The following NECTIN3 variants were observed in gnomAD, a reference collection of about 807,000 sequenced individuals.
NECTIN3 encodes the protein nectin-3.
In NECTIN3, 8 loss-of-function variants were observed where a neutral mutation model predicts 49.4. The ratio of observed to expected loss-of-function variants is 0.16; its 90% CI spans 0.10 to 0.29. The LOEUF (loss-of-function observed/expected upper bound fraction) is 0.29, where lower values mean the gene tolerates loss of function less well. Among genes scored for constraint, NECTIN3 ranks in the 10% least tolerant of loss-of-function variants. The pLI is 1.00. For synonymous variants in NECTIN3, 277 were observed against 241.1 expected (o/e 1.15, Z -1.38); for missense variants, 581 against 654.6 (o/e 0.89, Z 1.23).
intron 2 of NECTIN3, among the ~76,000 whole-genome samples, chr3:111,113,978 G>A (rs888101954): frequency 6.6e-6 from 1 of 152,024 alleles, no homozygotes; most frequent in African/African-American, 2.4e-5. Flanking sequence ...ATGAGACTGT[G>A]TCTCTAAATA....
At chr3:111,190,511 A>G (rs1173326340), upstream of NECTIN3, among the ~76,000 whole-genome samples, 2 of 152,244 alleles carry the variant, frequency 1.3e-5, no homozygotes, top group Non-Finnish European at 2.9e-5. Flanking sequence ...TTATACTTCT[A>G]GAGGCTGGGA....
intron 4 of NECTIN3, 38 bp downstream of exon 4, chr3:111,122,276 G>C: frequency 1.4e-6 from 2 of 1,446,320 alleles, no homozygotes; most frequent in Non-Finnish European, 1.9e-6. Context: ...TTATCTAAAA[G>C]TGAAACCTTC....
chr3:111,096,734 GCCT>G (rs2032608098), intron 1 of NECTIN3, among the ~76,000 whole-genome samples: 1 of 152,200 alleles, frequency 6.6e-6, no homozygotes, highest in African/African-American at 2.4e-5. Context: ...GAAGCCCCAA[GCCT>G]TGGCAGCTTC....
At chr3:111,166,198 AC>A (rs1401475337) in intron 7 of NECTIN3, among the ~76,000 whole-genome samples, 1 of 151,996 alleles carries the variant, frequency 6.6e-6, no homozygotes, top group African/African-American at 2.4e-5. Flanking sequence ...TGGAGAATTG[AC>A]CCCCAGCAAT....
chr3:111,175,238 T>C (rs1253891945), intron 7 of NECTIN3, among the ~76,000 whole-genome samples: 1 of 151,720 alleles, frequency 6.6e-6, no homozygotes, highest in Non-Finnish European at 1.5e-5. Context: ...CCTGGGGTTT[T>C]GGTTTATATG....
intron 5 of NECTIN3, among the ~76,000 whole-genome samples, chr3:111,127,005 G>GC (rs2034187743): frequency 6.6e-6 from 1 of 152,034 alleles, no homozygotes; most frequent in African/African-American, 2.4e-5. Flanking sequence ...GGTTGTGGCT[G>GC]CAAGTAATAA....
exon 1 of NECTIN3, chr3:111,192,362 G>T: frequency 6.5e-7 from 1 of 1,535,884 alleles, no homozygotes; most frequent in South Asian, 1.2e-5. Flanking sequence ...CTGAACACTT[G>T]CCTTTGCAGA....
chr3:111,157,758 G>A (rs1410142757), intron 7 of NECTIN3, among the ~76,000 whole-genome samples: 1 of 151,990 alleles, frequency 6.6e-6, no homozygotes, highest in Non-Finnish European at 1.5e-5. Flanking sequence ...AAGTTTTAAG[G>A]CCTCTTCCAG....
upstream of NECTIN3, chr3:111,192,268 G>T: frequency 8.2e-7 from 1 of 1,225,402 alleles, no homozygotes; most frequent in Non-Finnish European, 1.1e-6. Flanking sequence ...GACATGATTG[G>T]CTCTTTTAAA....
rs1010713410 is a variant in NECTIN3, at chr3:111,110,971, G to A, written c.161-1059G>A. Among the ~76,000 whole-genome samples, 4 of 152,086 alleles carry A rather than the reference G, an allele frequency of 2.6e-5. No individual in the cohort carries two copies. In the East Asian group the frequency reaches 7.7e-4, roughly 29 times the overall value. On this transcript the variant is annotated intron_variant, in intron 1 of 5. Coordinates refer to ENST00000485303, the MANE Select transcript of NECTIN3 (RefSeq NM_015480.3). Reference sequence around the variant, plus strand: ...TAAATGCATTTTTCTTGATTATGTGGTGATGCCCTTCTGCATTTCTGTATT... The same window carrying A: ...TAAATGCATTTTTCTTGATTATGTGATGATGCCCTTCTGCATTTCTGTATT...
rs569394965 is a variant in NECTIN3, at chr3:111,166,129, G to C, written c.1221+18645G>C. Reference sequence around the variant, plus strand: ...TAGCTTCTCTCCATTTGCCAATTTAGAGTTGCAGTTTCATGTCAACACATG... The same window carrying C: ...TAGCTTCTCTCCATTTGCCAATTTACAGTTGCAGTTTCATGTCAACACATG... On this transcript the variant is annotated intron_variant, in intron 7 of 8. Transcript: ENST00000493615. Among the ~76,000 whole-genome samples, 472 of 152,270 alleles carry C rather than the reference G, an allele frequency of 3.1e-3. 2 individuals are homozygous for C. Among genetic ancestry groups the C allele is most frequent in the African/African-American group, 0.011 (446 of 41,552 alleles).
chr3:111,089,277 G>A (rs1162870100), intron 1 of NECTIN3, among the ~76,000 whole-genome samples: 1 of 151,590 alleles, frequency 6.6e-6, no homozygotes, highest in African/African-American at 2.4e-5. Flanking sequence ...TTTTATGTTT[G>A]TTTCTATTTC....
chr3:111,092,627 A>C (rs1247275168), intron 1 of NECTIN3, among the ~76,000 whole-genome samples: 1 of 63,718 alleles, frequency 1.6e-5, no homozygotes, highest in Non-Finnish European at 1.1e-4. Flanking sequence ...ATCTGGACTC[A>C]GTACTGTTCT....
intron 5 of NECTIN3, 91 bp downstream of exon 5, chr3:111,126,426 G>A (rs2034165617): frequency 1.8e-6 from 2 of 1,097,706 alleles, no homozygotes; most frequent in Admixed American, 2.7e-5. Flanking sequence ...ATTTGTACTT[G>A]TAAAGATACA....
intron 1 of NECTIN3, among the ~76,000 whole-genome samples, chr3:111,092,832 T>G (rs553546292): frequency 2.8e-4 from 43 of 152,328 alleles, no homozygotes; most frequent in Non-Finnish European, 5.1e-4. Context: ...ATTTGTCAAT[T>G]TCAGCAATTG....
At chr3:111,129,888 A>G (rs1296527616) in intron 5 of NECTIN3, among the ~76,000 whole-genome samples, 1 of 151,792 alleles carries the variant, frequency 6.6e-6, no homozygotes. Flanking sequence ...GAGCTCAGGC[A>G]ATCCACCCAC....
intron 1 of NECTIN3, among the ~76,000 whole-genome samples, chr3:111,079,015 T>A (rs1380293579): frequency 6.6e-6 from 1 of 152,120 alleles, no homozygotes; most frequent in Non-Finnish European, 1.5e-5. Context: ...TGTGAAACTG[T>A]GCAGGGCTAG....
chr3:111,106,309 T>C (rs2033180090), intron 1 of NECTIN3, among the ~76,000 whole-genome samples: 1 of 152,160 alleles, frequency 6.6e-6, no homozygotes, highest in Non-Finnish European at 1.5e-5. Context: ...AAATGGTTGG[T>C]TTTCTCAACC....
chr3:111,088,982 C>T (rs1245228632), intron 1 of NECTIN3, among the ~76,000 whole-genome samples: 1 of 152,014 alleles, frequency 6.6e-6, no homozygotes, highest in Non-Finnish European at 1.5e-5. Flanking sequence ...GATTTAATAT[C>T]TTAATAATTA....
Sources: allele counts gnomAD v4.1 joint callset (sites outside exome capture counted in the v4.1 genomes callset), GRCh38; gene constraint gnomAD v4.1.1; transcripts MANE v1.5; gene names NCBI Gene and HGNC (gene_info 2026-07-23, HGNC 2026-07-21).